Variants in NELL1 observed in about 807,000 individuals in gnomAD.
NELL1 encodes neural EGFL like 1.
In NELL1, 76 loss-of-function variants were observed where a neutral mutation model predicts 107.4. That is an observed-to-expected ratio of 0.71 (90% CI 0.59 to 0.86). NELL1 has a LOEUF of 0.86. Ranked by LOEUF, NELL1 falls within the 40% of genes least tolerant of loss-of-function variation. The pLI, the probability that NELL1 is intolerant of heterozygous loss-of-function variation, is 0.00. For synonymous variants in NELL1, 353 were observed against 341.2 expected (o/e 1.03, Z -0.38); for missense variants, 1,024 against 1,005.5 (o/e 1.02, Z -0.25).
chr11:21,516,200 T>C (rs900871688), intron 15 of NELL1, among the ~76,000 whole-genome samples: 1 of 152,184 alleles, frequency 6.6e-6, no homozygotes, highest in African/African-American at 2.4e-5. Flanking sequence ...CTCCTAGTGT[T>C]CTAATCTATA....
At chr11:20,751,104 C>T (rs1856127544) in intron 2 of NELL1, among the ~76,000 whole-genome samples, 2 of 151,756 alleles carry the variant, frequency 1.3e-5, no homozygotes, top group African/African-American at 2.4e-5. Flanking sequence ...TATCCTTATG[C>T]TAATACCACA....
chr11:20,677,561 T>C (rs1854089048), intron 1 of NELL1, among the ~76,000 whole-genome samples: 1 of 152,216 alleles, frequency 6.6e-6, no homozygotes, highest in Non-Finnish European at 1.5e-5. Context: ...GCTTCAGAAA[T>C]GTTGTACTTG....
chr11:21,036,988 C>G (rs78340306), intron 12 of NELL1, among the ~76,000 whole-genome samples: 3,682 of 151,282 alleles, frequency 0.024, 145 homozygotes, highest in African/African-American at 0.083. Context: ...GTCTTTTTTT[C>G]TTATTCATCT....
At chr11:21,042,959 T>C (rs774190440) in intron 12 of NELL1, among the ~76,000 whole-genome samples, 1 of 152,152 alleles carries the variant, frequency 6.6e-6, no homozygotes, top group Non-Finnish European at 1.5e-5. Flanking sequence ...ATTGAGGACA[T>C]AGAATGAATA....
intron 7 of NELL1, among the ~76,000 whole-genome samples, chr11:20,920,343 T>A (rs1056170603): frequency 3.3e-5 from 5 of 152,096 alleles, no homozygotes; most frequent in Non-Finnish European, 7.4e-5. Flanking sequence ...TAGATAAGTG[T>A]TTGCAAGATA....
At chr11:21,154,548 A>G (rs909172630) in intron 13 of NELL1, among the ~76,000 whole-genome samples, 2 of 152,178 alleles carry the variant, frequency 1.3e-5, no homozygotes, top group South Asian at 2.1e-4. Flanking sequence ...CAGAAGTCCA[A>G]TGGGTGATGT....
At chr11:21,261,980 C>T (rs1381423600) in intron 14 of NELL1, among the ~76,000 whole-genome samples, 2 of 151,760 alleles carry the variant, frequency 1.3e-5, no homozygotes, top group South Asian at 2.1e-4. Flanking sequence ...CATATCTTCT[C>T]GTTAGGTTAG....
At chr11:20,828,479 G>A (rs1857932982) in intron 3 of NELL1, among the ~76,000 whole-genome samples, 1 of 152,154 alleles carries the variant, frequency 6.6e-6, no homozygotes, top group East Asian at 1.9e-4. Flanking sequence ...ATTGGTATGA[G>A]GAGCCATTTT....
At chr11:21,023,344 G>A (rs576164941) in intron 12 of NELL1, among the ~76,000 whole-genome samples, 22 of 152,150 alleles carry the variant, frequency 1.4e-4, no homozygotes, top group African/African-American at 5.3e-4. Context: ...TGACTTTATA[G>A]TAATGCGAAA....
At chr11:20,752,630 T>C (rs1321940637) in intron 2 of NELL1, among the ~76,000 whole-genome samples, 2 of 152,220 alleles carry the variant, frequency 1.3e-5, no homozygotes, top group African/African-American at 2.4e-5. Flanking sequence ...TGAGAAAACC[T>C]GGCACCAACT....
chr11:21,398,174 G>A (rs1427857052), intron 15 of NELL1, among the ~76,000 whole-genome samples: 1 of 151,438 alleles, frequency 6.6e-6, no homozygotes, highest in African/African-American at 2.4e-5. Flanking sequence ...GAAAATAAAG[G>A]ACTTTTTGGC....
intron 2 of NELL1, among the ~76,000 whole-genome samples, chr11:20,763,284 G>A (rs1315322357): frequency 1.3e-5 from 2 of 152,092 alleles, no homozygotes; most frequent in African/African-American, 2.4e-5. Context: ...TGTAGCCACC[G>A]CATGTACCCA....
At chr11:20,955,750 A>C (rs1259338537) in intron 11 of NELL1, among the ~76,000 whole-genome samples, 1 of 152,220 alleles carries the variant, frequency 6.6e-6, no homozygotes, top group East Asian at 1.9e-4. Flanking sequence ...AAGTGCATGA[A>C]ACTTATCATT....
chr11:20,928,278 T>A, intron 8 of NELL1, 99 bp from the exon 9 acceptor site: 1 of 1,089,986 alleles, frequency 9.2e-7, no homozygotes, highest in Non-Finnish European at 1.4e-6. Context: ...TGCTTCTGTT[T>A]CCCTGATGAG....
intron 2 of NELL1, among the ~76,000 whole-genome samples, chr11:20,687,042 TCTC>T (rs1417278404): frequency 2.5e-5 from 3 of 117,714 alleles, no homozygotes; most frequent in African/African-American, 4.0e-5. Context: ...TCTCTCTCTC[TCTC>T]TTTTTTTTTT....
intron 13 of NELL1, among the ~76,000 whole-genome samples, chr11:21,128,385 T>C (rs566883941): frequency 6.6e-6 from 1 of 152,300 alleles, no homozygotes; most frequent in East Asian, 1.9e-4. Flanking sequence ...ATTTTCCCAT[T>C]CTCGTTGATA....
At chr11:20,735,193 T>G (rs2133926889) in intron 2 of NELL1, among the ~76,000 whole-genome samples, 1 of 152,294 alleles carries the variant, frequency 6.6e-6, no homozygotes, top group Non-Finnish European at 1.5e-5. Flanking sequence ...CAAATGCTGC[T>G]GAGGGTTGAC....
intron 13 of NELL1, chr11:21,170,216 T>C: frequency 2.1e-6 from 1 of 477,420 alleles, no homozygotes; most frequent in Middle Eastern, 5.8e-4. Flanking sequence ...TCGAACGTGT[T>C]GGGAAAATTT....
intron 13 of NELL1, among the ~76,000 whole-genome samples, chr11:21,148,776 C>A (rs779738099): frequency 4.2e-4 from 64 of 152,208 alleles, no homozygotes; most frequent in Non-Finnish European, 7.2e-4. Flanking sequence ...AAATAGAAGA[C>A]CTTGAGTTTC....
Sources: allele counts gnomAD v4.1 joint callset (sites outside exome capture counted in the v4.1 genomes callset), GRCh38; gene constraint gnomAD v4.1.1; transcripts MANE v1.5; gene names NCBI Gene and HGNC (gene_info 2026-07-23, HGNC 2026-07-21).